USP6: variants seen among roughly 807,000 people sequenced by gnomAD.
USP6 encodes ubiquitin carboxyl-terminal hydrolase 6.
USP6 carries 128 observed loss-of-function variants against 175.7 expected under a neutral mutation model. That is an observed-to-expected ratio of 0.73 (90% CI 0.63 to 0.84). USP6 has a LOEUF of 0.84. USP6 is among the 40% of genes least tolerant of loss of function. The probability of loss-of-function intolerance (pLI) is 0.00; values close to 1 mark genes in which losing one functional copy is unlikely to be tolerated. For missense variants in USP6, 1,498 were observed against 1,760.3 expected (o/e 0.85, Z 2.67); for synonymous variants, 562 against 630.6 (o/e 0.89, Z 1.63).
At chr17:5,163,454 C>CT (rs1179275499) in intron 33 of USP6, among the ~76,000 whole-genome samples, 1 of 152,142 alleles carries the variant, frequency 6.6e-6, no homozygotes, top group African/African-American at 2.4e-5. Flanking sequence ...CTCTTGGAAA[C>CT]TAAGTTCTCA....
chr17:5,145,805 G>A (rs2073591395), intron 27 of USP6, among the ~76,000 whole-genome samples: 1 of 152,032 alleles, frequency 6.6e-6, no homozygotes, highest in Non-Finnish European at 1.5e-5. Context: ...ACCCTGCAAA[G>A]CCACTCACAC....
At chr17:5,151,678 C>G (rs1200030106) in intron 30 of USP6, among the ~76,000 whole-genome samples, 1 of 152,044 alleles carries the variant, frequency 6.6e-6, no homozygotes, top group Admixed American at 6.6e-5. Flanking sequence ...GAATAGAGAG[C>G]CCAGAAACCA....
intron 31 of USP6, among the ~76,000 whole-genome samples, chr17:5,158,666 A>AGAGAGATT (rs2073945905): frequency 7.8e-6 from 1 of 127,876 alleles, no homozygotes; most frequent in Non-Finnish European, 1.7e-5. Flanking sequence ...AGAGAGAGAG[A>AGAGAGATT]GAGAGATTGA....
rs773008426 is a variant in USP6 at position 5,133,573 on chromosome 17, A to C, written c.384+23A>C. On this transcript the variant is annotated intron_variant, in intron 14 of 37. Coordinates refer to ENST00000574788, the MANE Select transcript of USP6 (RefSeq NM_001304284.2). ...CAGGTATGCTCAGCCAGAGCACAAC[A>C]AACAGGACAGGCCGTGTCAGGGGCC... The C allele has an allele frequency of 2.5e-6, 4 of 1,596,358 alleles. No individual in the cohort carries two copies. In the African/African-American group the frequency reaches 4.0e-5, roughly 16 times the overall value.
rs1598118593 is a variant in USP6, at chr17:5,174,093, T to G, written c.*1115T>G. 2 of 205,566 alleles carry G rather than the reference T, an allele frequency of 9.7e-6. No homozygotes were observed. The highest frequency in any genetic ancestry group is 4.6e-5 in the African/African-American group (2 of 43,884). 12.7% of individuals were successfully genotyped at this position (205,566 alleles called of 1,614,324 possible). ...CAACTTTAGTTTTGCTTTGTTTGCA[T>G]GTCCACTGGTTTTTTTATTTTGATA... On this transcript the variant is annotated 3_prime_UTR_variant, in exon 38 of 38. Transcript: ENST00000574788.
intron 5 of USP6, among the ~76,000 whole-genome samples, chr17:5,125,605 G>A (rs551374231): frequency 2.0e-5 from 3 of 151,610 alleles, no homozygotes; most frequent in African/African-American, 7.3e-5. Flanking sequence ...TTACAGCTTG[G>A]AGTTGCAGCT....
Position 5,162,991 on chromosome 17 carries a change from C to T in USP6, c.3023C>T (p.Thr1008Ile). The T allele has an allele frequency of 1.3e-6, 2 of 1,584,924 alleles. No homozygotes were observed. Among genetic ancestry groups the T allele is most frequent in the Non-Finnish European group, 1.7e-6 (2 of 1,172,824 alleles). Residue 1008 changes from threonine to isoleucine, a missense_variant, in exon 33 of 38, where the codon ACA becomes ATA. Around this residue, in one of 2 missense-constraint regions of USP6, gnomAD observed 1,217 missense variants for 1,500.8 expected, o/e 0.81. Transcript: ENST00000574788. ...ACAGCCCTTCACCTTCGCTATCAAACATCCCAGGAAAGGGTAAGAATTTAG... is the reference window on the plus strand; with the variant it reads ...ACAGCCCTTCACCTTCGCTATCAAATATCCCAGGAAAGGGTAAGAATTTAG... ...HPTALHLRYQ[T>I]SQERVVDKHE...
At chr17:5,134,306 G>A (rs150711050) in intron 15 of USP6, 1 of 354,136 alleles carries the variant, frequency 2.8e-6, no homozygotes, top group African/African-American at 2.1e-5. Flanking sequence ...CCACAGGAGG[G>A]TGGCAGGATG....
At chr17:5,161,449 A>G in intron 31 of USP6, 79 bp from the exon 32 acceptor site, 1 of 1,449,718 alleles carries the variant, frequency 6.9e-7, no homozygotes, top group Non-Finnish European at 9.6e-7. Flanking sequence ...TCCTAGGATT[A>G]CTTCAAGAGA....
In USP6 at chr17:5,161,430, A is replaced by G. The variant is rs114522862; in HGVS notation, c.2829-98A>G. The G allele has an allele frequency of 1.4e-3, 1,834 of 1,273,934 alleles. 23 individuals are homozygous for G. The African/African-American group carries it at 0.023, about 16-fold the overall frequency. 78.9% of individuals were successfully genotyped at this position (1,273,934 alleles called of 1,614,324 possible). On this transcript the variant is annotated intron_variant, in intron 31 of 37. Coordinates refer to ENST00000574788, the MANE Select transcript of USP6 (RefSeq NM_001304284.2). ...TCAACATGAGCATACTGCTGTGGCAAATGCCCCTTCCTAGGATTACTTCAA... is the reference window on the plus strand; with the variant it reads ...TCAACATGAGCATACTGCTGTGGCAGATGCCCCTTCCTAGGATTACTTCAA...
chr17:5,130,308 T>A, intron 9 of USP6, 59 bp from the exon 10 acceptor site: 1 of 1,569,732 alleles, frequency 6.4e-7, no homozygotes, highest in Non-Finnish European at 8.8e-7. Flanking sequence ...TGGGAGCGGT[T>A]CAGGTGTTCT....
intron 4 of USP6, among the ~76,000 whole-genome samples, chr17:5,124,292 G>A (rs2072818742): frequency 6.6e-6 from 1 of 152,170 alleles, no homozygotes; most frequent in South Asian, 2.1e-4. Flanking sequence ...AATGAGGTTG[G>A]GCGGTACCAC....
intron 22 of USP6, 113 bp downstream of exon 22, chr17:5,139,787 C>G: frequency 6.3e-7 from 1 of 1,595,190 alleles, no homozygotes; most frequent in Admixed American, 1.7e-5. Flanking sequence ...TAGGGACGAG[C>G]AGCAGTGCGC....
intron 31 of USP6, 103 bp downstream of exon 31, chr17:5,155,709 G>T (rs2144079442): frequency 9.0e-7 from 1 of 1,107,868 alleles, no homozygotes; most frequent in East Asian, 2.9e-5. Flanking sequence ...GTCAAGTTTG[G>T]CGCCCAGCCA....
intron 33 of USP6, among the ~76,000 whole-genome samples, chr17:5,163,425 C>T (rs2074042756): frequency 6.6e-6 from 1 of 152,126 alleles, no homozygotes. Context: ...GGAAGATCCT[C>T]GCTTTCTAAC....
chr17:5,123,818 C>T (rs950751401), intron 4 of USP6, among the ~76,000 whole-genome samples: 6 of 152,248 alleles, frequency 3.9e-5, no homozygotes, highest in Admixed American at 3.9e-4. Flanking sequence ...CACACACACA[C>T]AAACATGCAC....
chr17:5,139,338 G>A lies in USP6; in HGVS notation c.1162G>A (p.Ala388Thr). Residue 388 changes from alanine (A) to threonine (T), a missense_variant, in exon 22 of 38, where the codon GCC becomes ACC. Ala to Thr is a moderately conservative substitution (Grantham distance 58, BLOSUM62 0). Around this residue, in one of 2 missense-constraint regions of USP6, gnomAD observed 1,217 missense variants for 1,500.8 expected, o/e 0.81. Transcript: ENST00000574788. ...GKTLCKGYRQ[A>T]PPGPPAQFQR... ...GACCCTCTGCAAGGGGTATAGGCAG[G>A]CCCCTCCAGGCCCACCAGCCCAGTT... is the stretch of plus-strand genomic sequence containing the variant. 1 of 1,612,232 alleles carries A rather than the reference G, an allele frequency of 6.2e-7. No homozygotes were observed. The highest frequency in any genetic ancestry group is 1.1e-5 in the South Asian group (1 of 91,066).
At position 5,139,569 on chromosome 17, in the gene USP6, G is replaced by T. The variant is rs140656878; in HGVS notation, c.1393G>T (p.Gly465Cys). The T allele has an allele frequency of 1.2e-6, 2 of 1,613,660 alleles. No individual in the cohort carries two copies. The highest frequency in any genetic ancestry group is 2.7e-5 in the African/African-American group (2 of 74,924). ...GCTCCCAACGGACCTGGATATAGGG[G>T]GCCCTTGGTTCCCCCATTATGATTT... is the stretch of plus-strand genomic sequence containing the variant. Reference protein sequence around the residue: ...PRLPTDLDIGGPWFPHYDFEW... With the variant: ...PRLPTDLDIGCPWFPHYDFEW... Residue 465 changes from glycine (G) to cysteine (C), a missense_variant, in exon 22 of 38, where the codon GGC becomes TGC. Coordinates refer to ENST00000574788, the MANE Select transcript of USP6 (RefSeq NM_001304284.2).
At chr17:5,161,677 C>T (rs1324844846) in intron 32 of USP6, 63 bp downstream of exon 32, 22 of 1,554,216 alleles carry the variant, frequency 1.4e-5, no homozygotes, top group Non-Finnish European at 1.8e-5. Context: ...ATACAATTTT[C>T]CTAAGATTTC....
Sources: gnomAD v4.1 joint callset for allele counts (sites outside exome capture counted in the v4.1 genomes callset) on GRCh38, gnomAD v4.1.1 for gene constraint, gnomAD v4.1.1 regional missense constraint, MANE v1.5 for transcripts, NCBI Gene and HGNC (gene_info 2026-07-23, HGNC 2026-07-21) for gene names.